LIPG: variants seen among roughly 807,000 people sequenced by gnomAD.
The protein encoded by LIPG is endothelial lipase.
Under a neutral mutation model 51.8 loss-of-function variants are expected in LIPG, and 34 were observed. That is an observed-to-expected ratio of 0.66 (90% CI 0.50 to 0.87). The LOEUF (loss-of-function observed/expected upper bound fraction) is 0.87, where lower values mean the gene tolerates loss of function less well. Among genes scored for constraint, LIPG ranks in the 40% least tolerant of loss-of-function variants. The pLI is 0.00. For synonymous variants in LIPG, 246 were observed against 246.1 expected, an observed-to-expected ratio of 1.00 and a Z score of 0.00; for missense variants, 580 against 652.7, an observed-to-expected ratio of 0.89 and a Z score of 1.21.
intron 1 of LIPG, among the ~76,000 whole-genome samples, chr18:49,563,962 A>G (rs1160493465): frequency 6.6e-6 from 1 of 152,098 alleles, no homozygotes; most frequent in Non-Finnish European, 1.5e-5. Flanking sequence ...CTATCTGGGT[A>G]GAAGGTGGGG....
intron 5 of LIPG, among the ~76,000 whole-genome samples, chr18:49,580,780 C>G (rs1423636058): frequency 6.6e-6 from 1 of 152,190 alleles, no homozygotes; most frequent in Non-Finnish European, 1.5e-5. Flanking sequence ...GAGGTAGTGA[C>G]TCCTGCTGCA....
rs1423438820 is a variant in LIPG at position 49,593,498 on chromosome 18, A to G, written c.*2976A>G. 6.6e-6 allele frequency: 1 copy of G among 152,218 alleles called. No homozygotes were observed. The highest frequency in any genetic ancestry group is 6.5e-5 in the Admixed American group (1 of 15,268). The allele number at this position is 152,218 out of a possible 1,614,324, so 9.4% of individuals were successfully genotyped here. ...GACACTGGGGAGCATTAGTGAGATT[A>G]TTAGGTTTGGTTGAATTGGAACTAG... On this transcript the variant is annotated 3_prime_UTR_variant, in exon 10 of 10. Transcript: ENST00000261292.
chr18:49,586,739 C>T lies in LIPG; in HGVS notation c.1377-7C>T, dbSNP rs2084883836. ...TGCCTACATCAGTGGTTTCTTTTCC[C>T]TCCTAGACTGACATTTTGTACAGAA... is the stretch of plus-strand genomic sequence containing the variant. On this transcript the variant is annotated splice_region_variant and splice_polypyrimidine_tract_variant and intron_variant, in intron 8 of 9. Coordinates refer to ENST00000261292, the MANE Select transcript of LIPG (RefSeq NM_006033.4). 5 of 1,607,818 alleles carry T rather than the reference C, an allele frequency of 3.1e-6. No individual in the cohort carries two copies. Among genetic ancestry groups the T allele is most frequent in the South Asian group, 2.2e-5 (2 of 90,952 alleles).
Position 49,567,680 on chromosome 18 carries a change from T to C in LIPG, c.459+59T>C, listed in dbSNP as rs746916501. On this transcript the variant is annotated intron_variant, in intron 3 of 9. Transcript: ENST00000261292. ...AGCAGGATCTCAAACCCAATCTTCT[T>C]AAGAAATGCAGGTCATGCATCTGTT... The C allele has an allele frequency of 2.6e-6, 4 of 1,561,872 alleles. No individual in the cohort carries two copies. In the East Asian group the frequency reaches 9.0e-5, roughly 35 times the overall value.
chr18:49,591,285 G>C lies in LIPG; in HGVS notation c.*763G>C, dbSNP rs117827128. On this transcript the variant is annotated 3_prime_UTR_variant, in exon 10 of 10. Transcript: ENST00000261292. ...TATATGCATGGGGAAAGGCACCTGG[G>C]GCCTGGGGGAGGCTATAGGATATAA... The C allele has an allele frequency of 9.9e-5, 15 of 152,284 alleles. No homozygotes were observed. The highest frequency in any genetic ancestry group is 1.9e-4 in the Non-Finnish European group (13 of 68,140). 9.4% of individuals were successfully genotyped at this position (152,284 alleles called of 1,614,324 possible). A position where few individuals can be genotyped will look rare whatever the true frequency, so the allele number is the denominator to read the frequency against.
At chr18:49,578,656 G>A (rs1291413239) in intron 5 of LIPG, among the ~76,000 whole-genome samples, 2 of 148,934 alleles carry the variant, frequency 1.3e-5, no homozygotes, top group Non-Finnish European at 3.0e-5. Context: ...CGGCACTTTG[G>A]GAGGCCAAGG....
At chr18:49,562,703 C>T (rs930389603) in intron 1 of LIPG, among the ~76,000 whole-genome samples, 3 of 152,006 alleles carry the variant, frequency 2.0e-5, no homozygotes, top group African/African-American at 7.3e-5. Context: ...GCTGTCCAGC[C>T]AGCCGAGCGG....
chr18:49,584,951 G>T (rs988650836), intron 8 of LIPG, among the ~76,000 whole-genome samples: 1 of 152,148 alleles, frequency 6.6e-6, no homozygotes, highest in African/African-American at 2.4e-5. Context: ...TACAGTTGAA[G>T]CCCCTGTGTC....
rs779221720 is a variant in LIPG, at chr18:49,575,591, G to C, written c.793+1G>C. 1.2e-6 allele frequency: 2 copies of C among 1,612,540 alleles called. No individual in the cohort carries two copies. The highest frequency in any genetic ancestry group is 4.5e-5 in the East Asian group (2 of 44,886). On this transcript the variant is annotated splice_donor_variant, in intron 5 of 9. Transcript: ENST00000261292. LOFTEE classifies it high-confidence loss of function. Reference sequence around the variant, plus strand: ...GTCTTGGGATCAATTGCATATGGAAGTGAGTTCCCTCTTTTCTGCTTTGTG... The same window carrying C: ...GTCTTGGGATCAATTGCATATGGAACTGAGTTCCCTCTTTTCTGCTTTGTG...
chr18:49,569,139 C>T (rs920550849), intron 3 of LIPG, among the ~76,000 whole-genome samples: 1 of 152,060 alleles, frequency 6.6e-6, no homozygotes, highest in African/African-American at 2.4e-5. Flanking sequence ...CTCTTAGATA[C>T]TGCCAGAAAG....
rs773246113 is a variant in LIPG, at chr18:49,567,583, G to T, written c.421G>T (p.Val141Leu). The change falls in exon 3 of 10, where the codon GTG becomes TTG. Residue 141 changes from valine to leucine, a missense_variant. Transcript: ENST00000261292. ...YTDAVNNTRV[V>L]GHSIARMLDW... ...GGATGCGGTCAATAATACCAGGGTG[G>T]TGGGACACAGCATTGCCAGGATGCT... 3 of 1,614,154 alleles carry T rather than the reference G, an allele frequency of 1.9e-6. No individual in the cohort carries two copies. Among genetic ancestry groups the T allele is most frequent in the Middle Eastern group, 1.7e-4 (1 of 6,052 alleles).
chr18:49,580,499 C>T (rs955361783), intron 5 of LIPG, among the ~76,000 whole-genome samples: 1 of 152,156 alleles, frequency 6.6e-6, no homozygotes, highest in South Asian at 2.1e-4. Flanking sequence ...AGGTGGCCAG[C>T]AGGCATGGTG....
intron 5 of LIPG, among the ~76,000 whole-genome samples, chr18:49,579,031 AGG>A (rs1168539350): frequency 0.015 from 1 of 68 alleles, no homozygotes; most frequent in Non-Finnish European, 0.025. Context: ...GGAGAGGGAG[AGG>A]GAGAGGGAGA....
chr18:49,579,325 T>C (rs547339263), intron 5 of LIPG, among the ~76,000 whole-genome samples: 2 of 151,392 alleles, frequency 1.3e-5, no homozygotes, highest in African/African-American at 4.9e-5. Context: ...TCACTTAACA[T>C]TTTTCTTCTT....
rs34474737 is a variant in LIPG at position 49,562,285 on chromosome 18, T to G, written c.-24T>G. The G allele has an allele frequency of 0.32, 511,695 of 1,612,364 alleles. 83,650 individuals are homozygous for G. The highest frequency in any genetic ancestry group is 0.39 in the Middle Eastern group (1,899 of 4,834). The stretch of plus-strand genomic sequence containing the variant: ...TTTGTTTTTTAAAACTTCTGTTTCT[T>G]GGGAGGGGGTGTGGCGGGGCAGGAT... On this transcript the variant is annotated 5_prime_UTR_variant, in exon 1 of 10. Transcript: ENST00000261292.
chr18:49,561,885 C>T (rs369085430), upstream of LIPG: 22 of 1,275,606 alleles, frequency 1.7e-5, no homozygotes, highest in African/African-American at 2.1e-4. Context: ...GTGCGGCGTC[C>T]ACGCGGTGAG....
Position 49,590,585 on chromosome 18 carries a change from G to C in LIPG, c.*63G>C. On this transcript the variant is annotated 3_prime_UTR_variant, in exon 10 of 10. Coordinates refer to ENST00000261292, the MANE Select transcript of LIPG (RefSeq NM_006033.4). ...CTTCCTGCTATCCAAGCCCATGGAG[G>C]AAAGTTACTGCTGAGGACCCACCCA... is the stretch of plus-strand genomic sequence containing the variant. The C allele has an allele frequency of 6.6e-7, 1 of 1,520,350 alleles. No homozygotes were observed. The highest frequency in any genetic ancestry group is 9.0e-7 in the Non-Finnish European group (1 of 1,114,060). The allele number at this position is 1,520,350 out of a possible 1,614,324, so 94.2% of individuals were successfully genotyped here.
intron 5 of LIPG, among the ~76,000 whole-genome samples, chr18:49,575,929 C>T (rs1053240616): frequency 4.6e-5 from 7 of 151,452 alleles, no homozygotes; most frequent in Non-Finnish European, 7.4e-5. Context: ...ACCTCCACCT[C>T]CCTGGTTCAA....
chr18:49,566,724 C>A (rs2084610000), intron 2 of LIPG, among the ~76,000 whole-genome samples: 1 of 152,142 alleles, frequency 6.6e-6, no homozygotes, highest in African/African-American at 2.4e-5. Context: ...GACAGCATCT[C>A]CCTGCGTCTC....
Sources: allele counts gnomAD v4.1 joint callset (sites outside exome capture counted in the v4.1 genomes callset), GRCh38; gene constraint gnomAD v4.1.1; transcripts MANE v1.5; gene names NCBI Gene and HGNC (gene_info 2026-07-23, HGNC 2026-07-21).